RSF1: variants seen among roughly 807,000 people sequenced by gnomAD.
RSF1 encodes the protein HBV pX-associated protein 8.
RSF1 carries 13 observed loss-of-function variants against 145.2 expected under a neutral mutation model. The ratio of observed to expected loss-of-function variants is 0.09; its 90% CI spans 0.06 to 0.14. The LOEUF is 0.14. Among genes scored for constraint, RSF1 ranks in the 10% least tolerant of loss-of-function variants. The pLI is 1.00. For synonymous variants in RSF1, 577 were observed against 592.6 expected (o/e 0.97, Z 0.38); for missense variants, 1,517 against 1,718.2 (o/e 0.88, Z 2.07).
chr11:77,752,410 C>A (rs182572308), intron 2 of RSF1, among the ~76,000 whole-genome samples: 335 of 152,264 alleles, frequency 2.2e-3, no homozygotes, highest in African/African-American at 7.7e-3. Context: ...GTGGGGGATG[C>A]CAGAAATTCG....
intron 5 of RSF1, among the ~76,000 whole-genome samples, chr11:77,704,949 C>G (rs1357679555): frequency 6.6e-6 from 1 of 152,028 alleles, no homozygotes; most frequent in Non-Finnish European, 1.5e-5. Flanking sequence ...CGGGGTTTCT[C>G]CATGTTGGTC....
chr11:77,727,211 C>T (rs1024790555), intron 4 of RSF1, among the ~76,000 whole-genome samples: 3 of 152,068 alleles, frequency 2.0e-5, no homozygotes, highest in African/African-American at 7.2e-5. Context: ...GGCAAAGATC[C>T]AGTCCCCTAA....
intron 1 of RSF1, 44 bp from the exon 2 acceptor site, chr11:77,764,733 C>T (rs1206423281): frequency 9.1e-7 from 1 of 1,104,616 alleles, no homozygotes; most frequent in Non-Finnish European, 1.4e-6. Context: ...CAAAATAAAA[C>T]AATTCTAAAC....
chr11:77,808,753 T>C (rs1172521372), intron 1 of RSF1, among the ~76,000 whole-genome samples: 2 of 106,590 alleles, frequency 1.9e-5, no homozygotes, highest in Non-Finnish European at 3.6e-5. Flanking sequence ...CGGGATGGTC[T>C]CGATCTCCTG....
At chr11:77,685,225 C>T (rs893121459) in intron 9 of RSF1, 66 bp from the exon 10 acceptor site, 6 of 844,274 alleles carry the variant, frequency 7.1e-6, no homozygotes, top group South Asian at 1.9e-5. Context: ...GTAAACATCA[C>T]GAATACACAT....
At chr11:77,840,863 T>A in the RSF1 span, among the ~76,000 whole-genome samples, 1 of 152,236 alleles carries the variant, frequency 6.6e-6, no homozygotes, top group Admixed American at 6.5e-5. Flanking sequence ...CCCCTGAAAG[T>A]TGTTCTTCTG....
intron 1 of RSF1, among the ~76,000 whole-genome samples, chr11:77,810,257 T>G (rs1948717445): frequency 6.6e-6 from 1 of 152,200 alleles, no homozygotes; most frequent in African/African-American, 2.4e-5. Flanking sequence ...GCAGCAATGT[T>G]ACAACAACTC....
At position 77,666,920 on chromosome 11, in the gene RSF1, T is replaced by C. The variant is rs760438036; in HGVS notation, c.4323A>G (p.Leu1441=). 1 of 1,540,186 alleles carries C rather than the reference T, an allele frequency of 6.5e-7. No individual in the cohort carries two copies. Among genetic ancestry groups the C allele is most frequent in the East Asian group, 2.3e-5 (1 of 43,966 alleles). The change falls in exon 16 of 16, where the codon TTA becomes TTG. Residue 1441 remains leucine, a synonymous_variant. Transcript: ENST00000308488. ...GCACAAAAATGGAAAAAAAGTCTTA[T>C]AACTGTTCACTGTTACAGACATAAT... ...LVDYVCNSEQ[L]
chr11:77,666,973 C>A lies in RSF1; in HGVS notation c.4270G>T (p.Glu1424Ter). ...ACAAGGTCAGTCACTCTCAAAAGCT[C>A]ATCTTCCTCCTCTTCTGGTGCTCCT... ...EAGAPEEEED[E>*]LLRVTDLVDY... Residue 1424 changes from glutamate (E) to a stop codon, truncating the protein, a stop_gained, in exon 16 of 16, where the codon GAG becomes TAG. Transcript: ENST00000308488. LOFTEE classifies it high-confidence loss of function. 1 of 1,606,746 alleles carries A rather than the reference C, an allele frequency of 6.2e-7. No individual in the cohort carries two copies. Among genetic ancestry groups the A allele is most frequent in the Non-Finnish European group, 8.5e-7 (1 of 1,174,718 alleles).
At chr11:77,762,227 G>A (rs1465013674) in intron 2 of RSF1, 1 of 151,674 alleles carries the variant, frequency 6.6e-6, no homozygotes, top group African/African-American at 2.4e-5. Flanking sequence ...CATCCGCCTA[G>A]ATTTTTGAGG....
chr11:77,820,692 G>T lies in RSF1; in HGVS notation c.23C>A (p.Ala8Glu). 1 of 1,550,186 alleles carries T rather than the reference G, an allele frequency of 6.5e-7. No individual in the cohort carries two copies. The highest frequency in any genetic ancestry group is 8.7e-7 in the Non-Finnish European group (1 of 1,148,224). ...GCAGCCCGGAGGAGCCATCACCGCC[G>T]CCGCTGCCGCCGCCGTCGCCATTTT... is the stretch of plus-strand genomic sequence containing the variant. MATAAAA[A>E]AVMAPPGCPG... The change falls in exon 1 of 16, where the codon GCG (alanine) becomes GAG (glutamate). Residue 8 changes from alanine to glutamate, a missense_variant. By Grantham distance (107) the Ala-to-Glu change is moderately radical (BLOSUM62 -1). Coordinates refer to ENST00000308488, the MANE Select transcript of RSF1 (RefSeq NM_016578.4).
intron 5 of RSF1, among the ~76,000 whole-genome samples, chr11:77,708,273 G>T (rs1046950263): frequency 6.6e-6 from 1 of 152,056 alleles, no homozygotes; most frequent in East Asian, 1.9e-4. Flanking sequence ...AGAAAAATTC[G>T]TCAGGCATGG....
intron 1 of RSF1, among the ~76,000 whole-genome samples, chr11:77,774,107 C>G (rs1948315800): frequency 6.6e-6 from 1 of 152,200 alleles, no homozygotes; most frequent in African/African-American, 2.4e-5. Context: ...TTCTTTCTCT[C>G]TCACCCTTAG....
intron 1 of RSF1, among the ~76,000 whole-genome samples, chr11:77,799,537 A>G (rs1590894249): frequency 6.6e-6 from 1 of 151,704 alleles, no homozygotes; most frequent in African/African-American, 2.4e-5. Context: ...GGATATGAAT[A>G]GACAATATTG....
intron 1 of RSF1, among the ~76,000 whole-genome samples, chr11:77,819,658 C>T (rs1017592883): frequency 6.6e-6 from 1 of 152,180 alleles, no homozygotes; most frequent in African/African-American, 2.4e-5. Context: ...TACTAACCAC[C>T]CCACCCTACC....
intron 8 of RSF1, 98 bp from the exon 9 acceptor site, chr11:77,691,336 G>A: frequency 1.1e-6 from 1 of 939,914 alleles, no homozygotes. Flanking sequence ...CTGAGAGCTG[G>A]TAAGGGACCA....
chr11:77,830,279 T>C, the RSF1 span, among the ~76,000 whole-genome samples: 3 of 152,212 alleles, frequency 2.0e-5, no homozygotes, highest in Admixed American at 1.3e-4. Flanking sequence ...CGCTGGAGGC[T>C]ATATGATCAA....
intron 5 of RSF1, among the ~76,000 whole-genome samples, chr11:77,710,338 T>C (rs1715747434): frequency 6.6e-6 from 1 of 152,174 alleles, no homozygotes; most frequent in South Asian, 2.1e-4. Context: ...AGGCATACGG[T>C]GTTATTAACT....
At position 77,665,618 on chromosome 11, in the gene RSF1, T is replaced by C. The variant is rs1959342837; in HGVS notation, c.*1299A>G. The C allele has an allele frequency of 6.6e-6, 1 of 152,246 alleles. No individual in the cohort carries two copies. Among genetic ancestry groups the C allele is most frequent in the African/African-American group, 2.4e-5 (1 of 41,458 alleles). The allele number at this position is 152,246 out of a possible 1,614,324, so 9.4% of individuals were successfully genotyped here. On this transcript the variant is annotated 3_prime_UTR_variant, in exon 16 of 16. Coordinates refer to ENST00000308488, the MANE Select transcript of RSF1 (RefSeq NM_016578.4). ...AGATGTTTGAAATGGATGTCATGCC[T>C]ATTAATTACATCGGCAGTTCTCATT...
Sources: allele counts gnomAD v4.1 joint callset (sites outside exome capture counted in the v4.1 genomes callset), GRCh38; gene constraint gnomAD v4.1.1; transcripts MANE v1.5; gene names NCBI Gene and HGNC (gene_info 2026-07-23, HGNC 2026-07-21).